Variants in RPGR observed in about 807,000 individuals in gnomAD.
RPGR encodes retinitis pigmentosa GTPase regulator, also known as X-linked retinitis pigmentosa GTPase regulator.
In RPGR, 10 loss-of-function variants were observed where a neutral mutation model predicts 56.3. The observed-to-expected ratio is 0.18, with a 90% CI of 0.11 to 0.30. RPGR has a LOEUF of 0.30. RPGR is among the 10% of genes least tolerant of loss of function. RPGR has a pLI of 1.00. For missense variants in RPGR, 538 were observed against 590.9 expected (o/e 0.91, Z 0.93); for synonymous variants, 197 against 212.9 (o/e 0.93, Z 0.65).
intron 15 of RPGR, chrX:38,287,005 C>T (rs1283286729): frequency 2.5e-6 from 3 of 1,207,104 alleles, no homozygotes; most frequent in Non-Finnish European, 3.4e-6. Context: ...GTGTTCTGCT[C>T]CTGAACTACC....
chrX:38,312,986 G>A (rs1342915106), intron 6 of RPGR, among the ~76,000 whole-genome samples: 1 of 110,464 alleles, frequency 9.1e-6, no homozygotes, highest in Non-Finnish European at 1.9e-5. Context: ...CATTTCAGGG[G>A]TTTACATTCC....
chrX:38,309,021 C>T (rs892083163), intron 7 of RPGR, among the ~76,000 whole-genome samples: 6 of 112,177 alleles, frequency 5.3e-5, no homozygotes. Flanking sequence ...GTGGTGACTT[C>T]ACAAACTGTT....
chrX:38,285,758 C>T, intron 15 of RPGR: 1 of 1,211,172 alleles, frequency 8.3e-7, no homozygotes, highest in East Asian at 3.0e-5. Flanking sequence ...TCCTCTCCAT[C>T]CTGCCTTTCA....
intron 16 of RPGR, among the ~76,000 whole-genome samples, chrX:38,275,680 G>A (rs986449868): frequency 4.5e-5 from 5 of 111,699 alleles, no homozygotes; most frequent in African/African-American, 1.6e-4. Context: ...CACAAAACAT[G>A]TTTCACAAGT....
rs775998767 is a variant in RPGR at position 38,291,013 on chromosome X, C to T, written c.1518G>A (p.Met506Ile). The change falls in exon 13 of 19, where the codon ATG becomes ATA. Residue 506 changes from methionine to isoleucine, a missense_variant. Transcript: ENST00000642395. Reference sequence around the variant, plus strand: ...ATGACTTTTCATTGGAATTCAGGCTCATGATGTGTGTCTGAAATAAATAAA... The same window carrying T: ...ATGACTTTTCATTGGAATTCAGGCTTATGATGTGTGTCTGAAATAAATAAA... The T allele has an allele frequency of 3.9e-6, 4 of 1,023,408 alleles. No individual in the cohort carries two copies. The highest frequency in any genetic ancestry group is 5.3e-6 in the Non-Finnish European group (4 of 754,544). The allele number at this position is 1,023,408 out of a possible 1,213,427, so 84.3% of individuals were successfully genotyped here.
chrX:38,287,039 T>C, intron 15 of RPGR: 6 of 1,210,911 alleles, frequency 5.0e-6, no homozygotes, highest in Non-Finnish European at 6.7e-6. Flanking sequence ...CCATCCCCTC[T>C]ACCTTCAGGC....
rs182953211 is a variant in RPGR, at chrX:38,284,904, C to A, written c.1905+2190G>T. On this transcript the variant is annotated intron_variant, in intron 15 of 18. Transcript: ENST00000642395. The stretch of plus-strand genomic sequence containing the variant: ...AATCACCATTTCATTAGATATACTA[C>A]CATCTGCCCAGATAGTAACTAAAAG... 5.1e-5 allele frequency: 38 copies of A among 744,945 alleles called. No homozygotes were observed. In the African/African-American group the frequency reaches 8.1e-4, roughly 16 times the overall value. 61.4% of individuals were successfully genotyped at this position (744,945 alleles called of 1,213,427 possible).
chrX:38,300,635 A>C (rs779308345), intron 9 of RPGR, among the ~76,000 whole-genome samples: 134 of 111,430 alleles, frequency 1.2e-3, no homozygotes, highest in African/African-American at 4.2e-3. Context: ...TCTGGGTTCA[A>C]GCAATTCTCG....
intron 6 of RPGR, among the ~76,000 whole-genome samples, chrX:38,316,407 T>A (rs758840630): frequency 8.9e-6 from 1 of 112,097 alleles, no homozygotes; most frequent in Non-Finnish European, 1.9e-5. Flanking sequence ...ACACAATTCA[T>A]TCAGGCAGTT....
intron 5 of RPGR, among the ~76,000 whole-genome samples, chrX:38,318,124 TTATA>T (rs1480385160): frequency 1.8e-5 from 2 of 111,397 alleles, no homozygotes; most frequent in Admixed American, 9.7e-5. Context: ...ACTTATTTAT[TTATA>T]TATTTTAAAT....
At position 38,269,838 on chromosome X, in the gene RPGR, A is replaced by G. The variant is rs771389612; in HGVS notation, c.2242-6T>C. On this transcript the variant is annotated splice_region_variant and splice_polypyrimidine_tract_variant and intron_variant, in intron 18 of 18. Transcript: ENST00000642395. ...ACTCTTTTGAACAGAAAAATCTAGG[A>G]AAAAAACCACACACACAAATATTCA... 274 of 1,134,887 alleles carry G rather than the reference A, an allele frequency of 2.4e-4. No homozygotes were observed. The highest frequency in any genetic ancestry group is 3.1e-4 in the Non-Finnish European group (258 of 830,069). 93.5% of individuals were successfully genotyped at this position (1,134,887 alleles called of 1,213,427 possible).
At chrX:38,276,394 T>C (rs2066935129) in intron 16 of RPGR, among the ~76,000 whole-genome samples, 1 of 111,965 alleles carries the variant, frequency 8.9e-6, no homozygotes, top group African/African-American at 3.2e-5. Context: ...TTCTAGAAAG[T>C]GTGCTAGAGA....
At chrX:38,318,596 T>C (rs1308866266) in intron 5 of RPGR, among the ~76,000 whole-genome samples, 1 of 111,912 alleles carries the variant, frequency 8.9e-6, no homozygotes, top group African/African-American at 3.2e-5. Flanking sequence ...TATTTGCCAA[T>C]TACTTTTTAA....
At position 38,276,581 on chromosome X, in the gene RPGR, T is replaced by C. The variant is rs1300409135; in HGVS notation, c.2091+6A>G. On this transcript the variant is annotated splice_donor_region_variant and intron_variant, in intron 16 of 18. Transcript: ENST00000642395. ...GATCTCAGGATTTAAGCATCTATCA[T>C]CATACCTTTTCAATAGTTTCAGCTG... 1.7e-6 allele frequency: 2 copies of C among 1,208,573 alleles called. No individual in the cohort carries two copies. Among genetic ancestry groups the C allele is most frequent in the Non-Finnish European group, 1.1e-6 (1 of 893,019 alleles).
At chrX:38,316,131 A>T (rs987613810) in intron 6 of RPGR, among the ~76,000 whole-genome samples, 8 of 110,851 alleles carry the variant, frequency 7.2e-5, no homozygotes, top group African/African-American at 2.6e-4. Flanking sequence ...CTGACAGTTC[A>T]TATCAGCTGA....
intron 3 of RPGR, 66 bp downstream of exon 3, chrX:38,322,787 A>G: frequency 1.2e-6 from 1 of 846,722 alleles, no homozygotes. Flanking sequence ...TTATGACATT[A>G]AAGAACTACA....
At chrX:38,277,296 A>C (rs2147170385) in intron 15 of RPGR, among the ~76,000 whole-genome samples, 1 of 111,946 alleles carries the variant, frequency 8.9e-6, no homozygotes, top group South Asian at 3.7e-4. Flanking sequence ...CATGGTTATT[A>C]AAAGCAGAAG....
Position 38,269,677 on chromosome X carries a change from A to G in RPGR, c.2397T>C (p.Asn799=). The stretch of plus-strand genomic sequence containing the variant: ...TTCTCTCTGTATTTGTTGGTGGGAT[A>G]TTCTGATGATTCTGACTCATGTGGT... Residue 799 remains asparagine, a synonymous_variant, in exon 19 of 19, where the codon AAT becomes AAC. Coordinates refer to ENST00000642395, the MANE Select transcript of RPGR (RefSeq NM_000328.3). 8.3e-7 allele frequency: 1 copy of G among 1,208,363 alleles called. No individual in the cohort carries two copies. Among genetic ancestry groups the G allele is most frequent in the South Asian group, 1.8e-5 (1 of 56,887 alleles).
At chrX:38,271,859 T>C (rs1435550754) in intron 18 of RPGR, among the ~76,000 whole-genome samples, 1 of 112,387 alleles carries the variant, frequency 8.9e-6, no homozygotes, top group Non-Finnish European at 1.9e-5. Context: ...CTGGAATTAC[T>C]AAATACAGAA....
Sources: allele counts gnomAD v4.1 joint callset (sites outside exome capture counted in the v4.1 genomes callset), GRCh38; gene constraint gnomAD v4.1.1; transcripts MANE v1.5; gene names NCBI Gene and HGNC (gene_info 2026-07-23, HGNC 2026-07-21).